CDH13: variants seen among roughly 807,000 people sequenced by gnomAD.
CDH13 encodes cadherin-13.
CDH13 carries 24 observed loss-of-function variants against 63.8 expected under a neutral mutation model. That is an observed-to-expected ratio of 0.38 (90% CI 0.27 to 0.53). CDH13 has a LOEUF of 0.53. CDH13 is among the 20% of genes least tolerant of loss of function. The probability of loss-of-function intolerance (pLI) is 0.85; values close to 1 mark genes in which losing one functional copy is unlikely to be tolerated. For missense variants in CDH13, 1,049 were observed against 903.1 expected (o/e 1.16, Z -2.07); for synonymous variants, 503 against 355.3 (o/e 1.42, Z -4.67).
intron 2 of CDH13, among the ~76,000 whole-genome samples, chr16:82,911,805 C>G (rs1242752042): frequency 6.6e-6 from 1 of 152,104 alleles, no homozygotes; most frequent in African/African-American, 2.4e-5. Context: ...TCCTGGAATC[C>G]TGGCTTTTAC....
intron 4 of CDH13, among the ~76,000 whole-genome samples, chr16:83,195,458 A>G (rs748936960): frequency 6.6e-6 from 1 of 152,166 alleles, no homozygotes; most frequent in Non-Finnish European, 1.5e-5. Flanking sequence ...GCAGAAGGCA[A>G]AGTGGGAGCA....
chr16:83,134,834 T>C (rs1007625327), intron 4 of CDH13, among the ~76,000 whole-genome samples: 1 of 152,180 alleles, frequency 6.6e-6, no homozygotes, highest in East Asian at 1.9e-4. Context: ...TACATATATA[T>C]GCAAAACTTC....
intron 2 of CDH13, among the ~76,000 whole-genome samples, chr16:82,861,857 CT>C (rs1435314715): frequency 6.6e-6 from 1 of 152,208 alleles, no homozygotes; most frequent in African/African-American, 2.4e-5. Context: ...CCAGTGGGCT[CT>C]TCACTGCATC....
At chr16:83,511,461 C>CAA (rs112318380) in intron 7 of CDH13, among the ~76,000 whole-genome samples, 4 of 131,160 alleles carry the variant, frequency 3.0e-5, no homozygotes, top group South Asian at 4.9e-4. Flanking sequence ...GATTCCATCT[C>CAA]AAAAAAAAAA....
chr16:83,353,501 C>A (rs932226131), intron 6 of CDH13, among the ~76,000 whole-genome samples: 15 of 152,234 alleles, frequency 9.9e-5, no homozygotes, highest in African/African-American at 3.6e-4. Context: ...ATGCCTGAAC[C>A]CCTTTATTCT....
chr16:83,336,515 T>A (rs983963760), intron 5 of CDH13, among the ~76,000 whole-genome samples: 1 of 152,150 alleles, frequency 6.6e-6, no homozygotes, highest in South Asian at 2.1e-4. Flanking sequence ...GTCTGCAAAA[T>A]AGAAACGGAG....
intron 7 of CDH13, among the ~76,000 whole-genome samples, chr16:83,503,561 G>C (rs1227485844): frequency 6.6e-6 from 1 of 152,096 alleles, no homozygotes; most frequent in Admixed American, 6.5e-5. Flanking sequence ...TCCTTTTCCT[G>C]GGGTGGAGTG....
intron 1 of CDH13, among the ~76,000 whole-genome samples, chr16:82,758,090 A>C (rs1036472844): frequency 9.2e-5 from 14 of 152,106 alleles, no homozygotes; most frequent in Admixed American, 1.3e-4. Context: ...GGTGAGTGCC[A>C]AGCCCCCAGC....
At chr16:83,647,047 A>T (rs369301186) in intron 8 of CDH13, among the ~76,000 whole-genome samples, 4 of 151,964 alleles carry the variant, frequency 2.6e-5, no homozygotes, top group Non-Finnish European at 5.9e-5. Context: ...GCGGTGGCTC[A>T]CGCCTGTAAT....
Position 82,785,596 on chromosome 16 carries a change from C to G in CDH13, c.46-72766C>G, listed in dbSNP as rs147573559. ...TTTTAATAACATATACCATCTGGCT[C>G]AAGATTTGTCTGTCTACAATCTTGT... On this transcript the variant is annotated intron_variant, in intron 1 of 13. Transcript: ENST00000567109. Among the ~76,000 whole-genome samples, 1,252 of 152,288 alleles carry G rather than the reference C, an allele frequency of 8.2e-3. 18 individuals carry two copies. Among genetic ancestry groups the G allele is most frequent in the African/African-American group, 0.029 (1,205 of 41,548 alleles).
intron 1 of CDH13, among the ~76,000 whole-genome samples, chr16:82,793,743 G>C (rs2151142569): frequency 6.6e-6 from 1 of 152,242 alleles, no homozygotes; most frequent in South Asian, 2.1e-4. Flanking sequence ...AATCAACAGG[G>C]CGCTCCCCAA....
intron 5 of CDH13, among the ~76,000 whole-genome samples, chr16:83,324,005 A>G (rs1027572957): frequency 2.0e-5 from 3 of 150,866 alleles, no homozygotes; most frequent in African/African-American, 7.3e-5. Context: ...ATTCCCAGTC[A>G]TGCAACCATC....
At chr16:82,679,299 C>A (rs1350902966) in intron 1 of CDH13, among the ~76,000 whole-genome samples, 3 of 152,148 alleles carry the variant, frequency 2.0e-5, no homozygotes, top group African/African-American at 7.2e-5. Flanking sequence ...GATCACGTAC[C>A]TGGGAAGCTG....
At position 83,795,069 on chromosome 16, in the gene CDH13, T is replaced by A. The variant is rs374050735; in HGVS notation, c.*39T>A. On this transcript the variant is annotated 3_prime_UTR_variant, in exon 14 of 14. Coordinates refer to ENST00000567109, the MANE Select transcript of CDH13 (RefSeq NM_001257.5). ...CTGAAGCTTGACTCCCAAGTTTCCATAGCAACAGGAAAAAAAAAAATCTAT... is the reference window on the plus strand; with the variant it reads ...CTGAAGCTTGACTCCCAAGTTTCCAAAGCAACAGGAAAAAAAAAAATCTAT... The A allele has an allele frequency of 2.6e-6, 4 of 1,552,428 alleles. No homozygotes were observed. The African/African-American group carries it at 4.1e-5, about 16-fold the overall frequency.
At chr16:83,038,994 T>C (rs1410570050) in intron 3 of CDH13, among the ~76,000 whole-genome samples, 1 of 152,226 alleles carries the variant, frequency 6.6e-6, no homozygotes, top group Non-Finnish European at 1.5e-5. Flanking sequence ...CTAAAGATAC[T>C]GTACCTCCAG....
intron 1 of CDH13, among the ~76,000 whole-genome samples, chr16:82,780,131 C>T (rs968865942): frequency 2.0e-5 from 3 of 152,122 alleles, no homozygotes; most frequent in Non-Finnish European, 4.4e-5. Flanking sequence ...GCAGAGACTT[C>T]TGCTCCCTTG....
chr16:82,914,649 G>A (rs889816287), intron 2 of CDH13, among the ~76,000 whole-genome samples: 2 of 152,206 alleles, frequency 1.3e-5, no homozygotes, highest in African/African-American at 4.8e-5. Flanking sequence ...CTGCTTTCTT[G>A]AAGCTTGGTC....
At chr16:83,461,733 A>T (rs927054216) in intron 6 of CDH13, among the ~76,000 whole-genome samples, 1 of 152,184 alleles carries the variant, frequency 6.6e-6, no homozygotes, top group South Asian at 2.1e-4. Flanking sequence ...AAATCAAAGC[A>T]TGGTCAGAGG....
intron 1 of CDH13, chr16:82,719,449 G>C (rs1567463556): frequency 2.2e-6 from 1 of 455,846 alleles, no homozygotes. Flanking sequence ...TTTCCCACTT[G>C]CAGAAGGAAG....
Sources: allele counts gnomAD v4.1 joint callset (sites outside exome capture counted in the v4.1 genomes callset), GRCh38; gene constraint gnomAD v4.1.1; transcripts MANE v1.5; gene names NCBI Gene and HGNC (gene_info 2026-07-23, HGNC 2026-07-21).